Variants in SPOCK1 observed in about 807,000 individuals in gnomAD.
SPOCK1 encodes the protein testican-1.
SPOCK1 carries 23 observed loss-of-function variants against 55.3 expected under a neutral mutation model. That is an observed-to-expected ratio of 0.42 (90% CI 0.30 to 0.59). SPOCK1 has a LOEUF of 0.59. SPOCK1 is among the 20% of genes least tolerant of loss of function. The pLI, the probability that SPOCK1 is intolerant of heterozygous loss-of-function variation, is 0.22. For missense variants in SPOCK1, 499 were observed against 552.5 expected (o/e 0.90, Z 0.97); for synonymous variants, 226 against 221.0 (o/e 1.02, Z -0.20).
intron 2 of SPOCK1, among the ~76,000 whole-genome samples, chr5:137,472,132 C>T (rs906904946): frequency 6.6e-6 from 1 of 152,158 alleles, no homozygotes; most frequent in South Asian, 2.1e-4. Flanking sequence ...AGGACATGCC[C>T]GGGGCCCTGG....
chr5:137,016,797 C>T (rs1751455648), intron 6 of SPOCK1, among the ~76,000 whole-genome samples: 1 of 152,224 alleles, frequency 6.6e-6, no homozygotes, highest in Admixed American at 6.5e-5. Flanking sequence ...TTTAAGAGAG[C>T]AAAACAATCA....
chr5:137,412,081 G>C (rs1406826617), intron 2 of SPOCK1, among the ~76,000 whole-genome samples: 2 of 152,196 alleles, frequency 1.3e-5, no homozygotes, highest in Admixed American at 1.3e-4. Context: ...GAGGGGAAGA[G>C]CCACCTGTCA....
chr5:137,149,175 C>G lies in SPOCK1; in HGVS notation c.233-8481G>C, dbSNP rs1754264907. ...TGACCAGGTGAACTGACTGTGGTTC[C>G]TTCCGTGAGGGGTTTCTGTGAAGTG... On this transcript the variant is annotated intron_variant, in intron 3 of 10. Coordinates refer to ENST00000394945, the MANE Select transcript of SPOCK1 (RefSeq NM_004598.4). Among the ~76,000 whole-genome samples the G allele has an allele frequency of 2.6e-5, 4 of 152,186 alleles. No individual in the cohort carries two copies. The South Asian group carries it at 8.3e-4, about 32-fold the overall frequency.
At chr5:137,067,532 T>G (rs1374643159) in intron 6 of SPOCK1, among the ~76,000 whole-genome samples, 183 bp downstream of exon 6, 1 of 152,162 alleles carries the variant, frequency 6.6e-6, no homozygotes, top group Non-Finnish European at 1.5e-5. Context: ...AAGGCTCTTG[T>G]TCATCTTTTT....
intron 6 of SPOCK1, among the ~76,000 whole-genome samples, chr5:137,006,047 C>G (rs1751239985): frequency 6.6e-6 from 1 of 152,166 alleles, no homozygotes; most frequent in South Asian, 2.1e-4. Context: ...AGCCTCTGTT[C>G]TGTTCCATTG....
intron 2 of SPOCK1, among the ~76,000 whole-genome samples, chr5:137,415,882 G>C (rs1752317339): frequency 1.3e-5 from 2 of 151,994 alleles, no homozygotes; most frequent in South Asian, 4.2e-4. Context: ...TATCCCAAAA[G>C]CTCAAGTCAC....
intron 6 of SPOCK1, among the ~76,000 whole-genome samples, chr5:137,013,191 G>A (rs1751386104): frequency 6.6e-6 from 1 of 152,178 alleles, no homozygotes; most frequent in East Asian, 1.9e-4. Flanking sequence ...AATTAACATT[G>A]TATCCATCAT....
chr5:137,343,072 G>A (rs2127156921), intron 2 of SPOCK1, among the ~76,000 whole-genome samples: 1 of 152,340 alleles, frequency 6.6e-6, no homozygotes, highest in Non-Finnish European at 1.5e-5. Context: ...CTGGGTGACT[G>A]TCTTTGAGCA....
chr5:137,297,222 A>G (rs1757506507), intron 2 of SPOCK1, among the ~76,000 whole-genome samples: 1 of 152,202 alleles, frequency 6.6e-6, no homozygotes, highest in Non-Finnish European at 1.5e-5. Context: ...ATAAGTGTGT[A>G]TGTGTCTACT....
intron 2 of SPOCK1, among the ~76,000 whole-genome samples, chr5:137,400,115 T>C (rs1751944057): frequency 6.6e-6 from 1 of 152,184 alleles, no homozygotes; most frequent in African/African-American, 2.4e-5. Context: ...GGGCGTTAAG[T>C]TAACTGGGAT....
chr5:137,127,539 G>C (rs1184341645), intron 4 of SPOCK1, among the ~76,000 whole-genome samples: 1 of 152,260 alleles, frequency 6.6e-6, no homozygotes, highest in South Asian at 2.1e-4. Flanking sequence ...CCCTACCCCA[G>C]TGGGTCTGGA....
At chr5:137,338,485 A>G (rs2127154751) in intron 2 of SPOCK1, among the ~76,000 whole-genome samples, 1 of 152,116 alleles carries the variant, frequency 6.6e-6, no homozygotes, top group South Asian at 2.1e-4. Context: ...ACACACGTGT[A>G]CATGTGTCTT....
At chr5:137,098,357 T>G (rs1158516320) in intron 5 of SPOCK1, among the ~76,000 whole-genome samples, 4 of 152,178 alleles carry the variant, frequency 2.6e-5, no homozygotes, top group African/African-American at 4.8e-5. Context: ...GGCTGACCTG[T>G]GAAACTATCT....
chr5:137,451,341 T>G (rs1753251128), intron 2 of SPOCK1, among the ~76,000 whole-genome samples: 1 of 152,204 alleles, frequency 6.6e-6, no homozygotes, highest in African/African-American at 2.4e-5. Flanking sequence ...ACACAGTTTC[T>G]CCCAATGTTG....
intron 2 of SPOCK1, among the ~76,000 whole-genome samples, chr5:137,289,729 AGT>A (rs1394255298): frequency 6.6e-6 from 1 of 152,216 alleles, no homozygotes; most frequent in African/African-American, 2.4e-5. Flanking sequence ...CCAAAAAGAG[AGT>A]GAAAAGCCAA....
chr5:137,293,693 C>A (rs540986602), intron 2 of SPOCK1, among the ~76,000 whole-genome samples: 4 of 152,352 alleles, frequency 2.6e-5, no homozygotes. Context: ...AAGCTTGACA[C>A]TTGCTGTAGG....
chr5:137,326,363 C>T (rs895312892), intron 2 of SPOCK1, among the ~76,000 whole-genome samples: 1 of 152,134 alleles, frequency 6.6e-6, no homozygotes, highest in Non-Finnish European at 1.5e-5. Flanking sequence ...CAGAATTGAC[C>T]TCAGGTGAGC....
At chr5:137,388,007 G>A (rs17600970) in intron 2 of SPOCK1, among the ~76,000 whole-genome samples, 14,152 of 152,236 alleles carry the variant, frequency 0.093, 918 homozygotes, top group Admixed American at 0.21. Flanking sequence ...GGACAGTGCT[G>A]AGAATAGAAT....
chr5:137,139,311 G>A (rs537097736), intron 4 of SPOCK1, among the ~76,000 whole-genome samples: 15 of 152,258 alleles, frequency 9.9e-5, no homozygotes, highest in Admixed American at 1.3e-4. Flanking sequence ...GTATGGGGTG[G>A]GGGCTGCTCT....
Sources: allele counts gnomAD v4.1 joint callset (sites outside exome capture counted in the v4.1 genomes callset), GRCh38; gene constraint gnomAD v4.1.1; transcripts MANE v1.5; gene names NCBI Gene and HGNC (gene_info 2026-07-23, HGNC 2026-07-21).